The following BLNK variants were observed in gnomAD, a reference collection of about 807,000 sequenced individuals.
BLNK encodes the protein B-cell linker protein.
Under a neutral mutation model 73.5 loss-of-function variants are expected in BLNK, and 29 were observed. The observed-to-expected ratio is 0.39, with a 90% CI of 0.29 to 0.54. BLNK has a LOEUF of 0.54. Ranked by LOEUF, BLNK falls within the 20% of genes least tolerant of loss-of-function variation. The pLI, the probability that BLNK is intolerant of heterozygous loss-of-function variation, is 0.61. For missense variants in BLNK, 460 were observed against 562.8 expected (o/e 0.82, Z 1.85); for synonymous variants, 176 against 200.8 (o/e 0.88, Z 1.04).
chr10:96,229,125 A>G (rs1842395632), intron 4 of BLNK, among the ~76,000 whole-genome samples: 1 of 152,148 alleles, frequency 6.6e-6, no homozygotes, highest in Non-Finnish European at 1.5e-5. Flanking sequence ...TAAATGCACA[A>G]TAAATTATTG....
intron 2 of BLNK, among the ~76,000 whole-genome samples, chr10:96,245,835 C>CACAT (rs1252357600): frequency 6.6e-6 from 1 of 152,112 alleles, no homozygotes; most frequent in Non-Finnish European, 1.5e-5. Context: ...TACTTATACA[C>CACAT]ACATACATAC....
Position 96,206,938 on chromosome 10 carries a change from A to C in BLNK, c.817+73T>G. 1.4e-5 allele frequency: 20 copies of C among 1,444,698 alleles called. No individual in the cohort carries two copies. The South Asian group carries it at 2.3e-4, about 17-fold the overall frequency. The allele number at this position is 1,444,698 out of a possible 1,614,324, so 89.5% of individuals were successfully genotyped here. A position where few individuals can be genotyped will look rare whatever the true frequency, so the allele number is the denominator to read the frequency against. ...CAATTGCCCCAAAAATAATGTAATA[A>C]ATGTGTACATACAAATCCTTAATAA... On this transcript the variant is annotated intron_variant, in intron 11 of 16. Coordinates refer to ENST00000224337, the MANE Select transcript of BLNK (RefSeq NM_013314.4).
Position 96,227,450 on chromosome 10 carries a change from C to T in BLNK, c.321G>A (p.Pro107=), listed in dbSNP as rs782386441. ...EPPPVEQETR[P]VHPALPFARG... ...TGGCGAAGGGCAGGGCTGGGTGAAC[C>T]GGCCTGGTTTCCTGCTCTACTGGAG... The change falls in exon 5 of 17, where the codon CCG becomes CCA. Residue 107 remains proline, a synonymous_variant. Coordinates refer to ENST00000224337, the MANE Select transcript of BLNK (RefSeq NM_013314.4). 33 of 1,614,186 alleles carry T rather than the reference C, an allele frequency of 2.0e-5. No individual in the cohort carries two copies. Among genetic ancestry groups the T allele is most frequent in the Non-Finnish European group, 2.8e-5 (33 of 1,180,052 alleles).
At chr10:96,210,468 C>T (rs2083921279) in intron 8 of BLNK, among the ~76,000 whole-genome samples, 1 of 152,274 alleles carries the variant, frequency 6.6e-6, no homozygotes, top group South Asian at 2.1e-4. Context: ...CTTTCGCCGA[C>T]AGGTTTTCCT....
chr10:96,189,541 G>T lies in BLNK; in HGVS notation c.*2432C>A. ...GAACTAGGCCCTTTTGGTGTTTTAC[G>T]AGTTTTTTCCTGTTTTTTGAAGGAT... On this transcript the variant is annotated 3_prime_UTR_variant, in exon 17 of 17. Coordinates refer to ENST00000224337, the MANE Select transcript of BLNK (RefSeq NM_013314.4). The T allele has an allele frequency of 1.5e-6, 1 of 655,788 alleles. No homozygotes were observed. Among genetic ancestry groups the T allele is most frequent in the Non-Finnish European group, 2.8e-6 (1 of 353,576 alleles). The allele number at this position is 655,788 out of a possible 1,614,324, so 40.6% of individuals were successfully genotyped here.
At chr10:96,210,781 C>T (rs2048839151) in intron 8 of BLNK, among the ~76,000 whole-genome samples, 1 of 150,520 alleles carries the variant, frequency 6.6e-6, no homozygotes, top group Non-Finnish European at 1.5e-5. Flanking sequence ...CAAGGGGTCT[C>T]TTCATGAGGC....
intron 1 of BLNK, among the ~76,000 whole-genome samples, chr10:96,250,440 G>T (rs1307839324): frequency 9.2e-6 from 1 of 108,298 alleles, no homozygotes; most frequent in African/African-American, 2.8e-5. Flanking sequence ...GAGAGAGGAA[G>T]AGAGAAAGAG....
chr10:96,239,114 T>C, intron 3 of BLNK: 1 of 398,620 alleles, frequency 2.5e-6, no homozygotes, highest in Non-Finnish European at 4.4e-6. Flanking sequence ...AGAGATTAAA[T>C]GTTCTGACAT....
intron 12 of BLNK, 90 bp downstream of exon 12, chr10:96,204,442 C>A: frequency 7.2e-7 from 1 of 1,392,624 alleles, no homozygotes; most frequent in South Asian, 1.2e-5. Context: ...CCTAGCACTG[C>A]AAGTCAGTGT....
intron 1 of BLNK, among the ~76,000 whole-genome samples, chr10:96,262,861 A>C (rs1196863839): frequency 6.6e-6 from 1 of 152,234 alleles, no homozygotes; most frequent in East Asian, 1.9e-4. Context: ...ACAAACGTCT[A>C]TGAAAAGTGA....
At chr10:96,193,448 C>T (rs1168069482) in intron 16 of BLNK, among the ~76,000 whole-genome samples, 2 of 152,168 alleles carry the variant, frequency 1.3e-5, no homozygotes, top group Non-Finnish European at 1.5e-5. Context: ...CCTCTAGTCC[C>T]TGAATATTTG....
intron 1 of BLNK, among the ~76,000 whole-genome samples, chr10:96,255,281 A>G (rs1843462273): frequency 6.6e-6 from 1 of 152,250 alleles, no homozygotes; most frequent in Non-Finnish European, 1.5e-5. Context: ...TATTTCGGCC[A>G]GATCACCAGA....
chr10:96,189,410 T>C lies in BLNK; in HGVS notation c.*2563A>G. ...GATCTTGAATAGTCTCCTGGTCAGT[T>C]GTCCGGAAGCAATTCTTCACATAAT... is the stretch of plus-strand genomic sequence containing the variant. On this transcript the variant is annotated 3_prime_UTR_variant, in exon 17 of 17. Coordinates refer to ENST00000224337, the MANE Select transcript of BLNK (RefSeq NM_013314.4). 1 of 596,292 alleles carries C rather than the reference T, an allele frequency of 1.7e-6. No individual in the cohort carries two copies. Among genetic ancestry groups the C allele is most frequent in the Non-Finnish European group, 3.2e-6 (1 of 313,942 alleles). The allele number at this position is 596,292 out of a possible 1,614,324, so 36.9% of individuals were successfully genotyped here.
intron 6 of BLNK, among the ~76,000 whole-genome samples, chr10:96,218,227 C>G (rs1554900276): frequency 6.6e-6 from 1 of 152,102 alleles, no homozygotes; most frequent in African/African-American, 2.4e-5. Context: ...CTAGGAGAAA[C>G]AAAAACAAAA....
intron 5 of BLNK, among the ~76,000 whole-genome samples, chr10:96,224,730 C>T (rs2084279070): frequency 6.6e-6 from 1 of 152,142 alleles, no homozygotes; most frequent in African/African-American, 2.4e-5. Context: ...CAAAGTCTTG[C>T]TCTGTTGCCC....
At chr10:96,222,507 G>C (rs782286701) in intron 6 of BLNK, among the ~76,000 whole-genome samples, 1 of 152,270 alleles carries the variant, frequency 6.6e-6, no homozygotes, top group Middle Eastern at 3.4e-3. Context: ...TTTCAAATAG[G>C]AGCTATTTCA....
chr10:96,267,063 A>G lies in BLNK; in HGVS notation c.47+4289T>C, dbSNP rs185792050. Among the ~76,000 whole-genome samples the G allele has an allele frequency of 3.0e-3, 458 of 152,322 alleles. 4 individuals are homozygous for G. The highest frequency in any genetic ancestry group is 0.017 in the Middle Eastern group (5 of 294). ...TTAGAATCAGCCCTGTTGGGCCCCA[A>G]TGGCATGGTCCTTCTAAATATATCA... On this transcript the variant is annotated intron_variant, in intron 1 of 16. Coordinates refer to ENST00000224337, the MANE Select transcript of BLNK (RefSeq NM_013314.4).
chr10:96,193,584 G>A (rs191350085), intron 16 of BLNK, among the ~76,000 whole-genome samples: 2 of 152,200 alleles, frequency 1.3e-5, no homozygotes, highest in Admixed American at 1.3e-4. Context: ...AAAAAGAATT[G>A]GGCATAACAT....
chr10:96,244,947 T>C (rs1303537223), intron 2 of BLNK, among the ~76,000 whole-genome samples: 1 of 152,120 alleles, frequency 6.6e-6, no homozygotes, highest in African/African-American at 2.4e-5. Flanking sequence ...CTTCATGTTA[T>C]TGAGAACTGG....
Sources: allele counts gnomAD v4.1 joint callset (sites outside exome capture counted in the v4.1 genomes callset), GRCh38; gene constraint gnomAD v4.1.1; transcripts MANE v1.5; gene names NCBI Gene and HGNC (gene_info 2026-07-23, HGNC 2026-07-21).